Variants in MTMR3 observed in about 807,000 individuals in gnomAD.
MTMR3 encodes phosphatidylinositol-3,5-bisphosphate 3-phosphatase MTMR3.
A neutral mutation model predicts 132.4 loss-of-function variants in MTMR3; 32 were observed. The ratio of observed to expected loss-of-function variants is 0.24; its 90% CI spans 0.18 to 0.32. The LOEUF (loss-of-function observed/expected upper bound fraction) is 0.32. Ranked by LOEUF, MTMR3 falls within the 10% of genes least tolerant of loss-of-function variation. MTMR3 has a pLI of 1.00. For missense variants in MTMR3, 1,216 were observed against 1,489.6 expected, an observed-to-expected ratio of 0.82 and a Z score of 3.02; for synonymous variants, 556 against 550.3, an observed-to-expected ratio of 1.01 and a Z score of -0.14.
At chr22:29,923,230 A>T (rs1200492637) in intron 1 of MTMR3, among the ~76,000 whole-genome samples, 10 of 145,894 alleles carry the variant, frequency 6.9e-5, no homozygotes, top group East Asian at 6.0e-4. Context: ...TTTTTTTTTT[A>T]TTTTTATTTT....
intron 9 of MTMR3, chr22:30,003,992 G>A (rs1040692525): frequency 1.3e-5 from 2 of 152,180 alleles, no homozygotes; most frequent in Admixed American, 6.5e-5. Flanking sequence ...TGTAGGAAGG[G>A]ATTTGTCTCC....
At chr22:30,010,299 C>G (rs1818755215) in intron 12 of MTMR3, 1 of 152,186 alleles carries the variant, frequency 6.6e-6, no homozygotes, top group South Asian at 2.1e-4. Flanking sequence ...ACTACATGAT[C>G]TAATACCCTC....
At chr22:30,010,489 G>C (rs2067389729) in intron 12 of MTMR3, 1 of 152,252 alleles carries the variant, frequency 6.6e-6, no homozygotes, top group Admixed American at 6.5e-5. Context: ...GCAGTGATGG[G>C]CAGCTGTAAT....
intron 1 of MTMR3, among the ~76,000 whole-genome samples, chr22:29,955,445 C>T (rs2066169695): frequency 6.6e-6 from 1 of 152,146 alleles, no homozygotes; most frequent in African/African-American, 2.4e-5. Context: ...CTCAACTTTC[C>T]TGCTGTACTA....
At chr22:29,929,466 T>C (rs977378969) in intron 1 of MTMR3, among the ~76,000 whole-genome samples, 6 of 152,262 alleles carry the variant, frequency 3.9e-5, no homozygotes, top group African/African-American at 1.4e-4. Flanking sequence ...TGCATTTCTT[T>C]TGTAATTTTT....
At position 29,923,289 on chromosome 22, in the gene MTMR3, G is replaced by A. The variant is rs150519221; in HGVS notation, c.-137-33747G>A. Among the ~76,000 whole-genome samples, 570 of 150,840 alleles carry A rather than the reference G, an allele frequency of 3.8e-3. 6 individuals carry two copies. Among genetic ancestry groups the A allele is most frequent in the African/African-American group, 0.013 (537 of 40,998 alleles). On this transcript the variant is annotated intron_variant, in intron 1 of 19. Coordinates refer to ENST00000401950, the MANE Select transcript of MTMR3 (RefSeq NM_021090.4). ...GGGTTTCACCATGTTAGCCAGGATG[G>A]TCTCAATCTCCTGGCCTTGTGATCC...
intron 1 of MTMR3, among the ~76,000 whole-genome samples, chr22:29,946,765 T>C (rs1437178992): frequency 3.3e-5 from 5 of 151,590 alleles, no homozygotes; most frequent in Admixed American, 3.3e-4. Context: ...TTTTTTCTAG[T>C]GGTATGTAAA....
intron 2 of MTMR3, among the ~76,000 whole-genome samples, chr22:29,959,385 G>A (rs561633306): frequency 4.6e-5 from 7 of 152,114 alleles, no homozygotes; most frequent in East Asian, 1.9e-4. Context: ...TTTTATTTAC[G>A]TATTTATTTT....
At chr22:29,929,957 A>G (rs1293021716) in intron 1 of MTMR3, among the ~76,000 whole-genome samples, 1 of 152,206 alleles carries the variant, frequency 6.6e-6, no homozygotes, top group Non-Finnish European at 1.5e-5. Flanking sequence ...AGAGTACAGC[A>G]GGTAAGAAGA....
intron 5 of MTMR3, chr22:29,980,423 T>C (rs2066718357): frequency 6.6e-6 from 1 of 152,138 alleles, no homozygotes; most frequent in Admixed American, 6.5e-5. Flanking sequence ...TCTTTCATAC[T>C]ATGTAGCACT....
chr22:29,897,359 G>A (rs974627738), intron 1 of MTMR3, among the ~76,000 whole-genome samples: 1 of 152,182 alleles, frequency 6.6e-6, no homozygotes, highest in Non-Finnish European at 1.5e-5. Context: ...ACAGGCGTAA[G>A]CCACCATGTC....
chr22:29,971,098 A>G (rs1251067757), intron 3 of MTMR3, 36 bp downstream of exon 3: 1 of 1,580,526 alleles, frequency 6.3e-7, no homozygotes, highest in Non-Finnish European at 8.6e-7. Context: ...AAAAAAAACA[A>G]AAAACCCTGT....
intron 1 of MTMR3, among the ~76,000 whole-genome samples, chr22:29,935,951 A>C (rs2145800256): frequency 6.6e-6 from 1 of 151,958 alleles, no homozygotes; most frequent in Non-Finnish European, 1.5e-5. Context: ...ACGGGGTTTC[A>C]CCGTATTAGC....
chr22:29,922,109 C>T (rs576244003), intron 1 of MTMR3, among the ~76,000 whole-genome samples: 1 of 152,064 alleles, frequency 6.6e-6, no homozygotes, highest in African/African-American at 2.4e-5. Flanking sequence ...TGACTGCTAC[C>T]TCTGCCTCCT....
At chr22:29,985,185 A>T (rs922306402) in intron 5 of MTMR3, 1 of 152,220 alleles carries the variant, frequency 6.6e-6, no homozygotes, top group Admixed American at 6.5e-5. Flanking sequence ...CAGGAAAAGA[A>T]GGTCAATTCT....
chr22:29,930,336 C>G (rs1312279016), intron 1 of MTMR3, among the ~76,000 whole-genome samples: 6 of 152,092 alleles, frequency 3.9e-5, no homozygotes, highest in African/African-American at 1.4e-4. Flanking sequence ...AGTTTTGCCT[C>G]TTGTAGGATT....
intron 7 of MTMR3, chr22:29,998,245 C>G (rs2067101273): frequency 6.6e-6 from 1 of 152,314 alleles, no homozygotes; most frequent in African/African-American, 2.4e-5. Flanking sequence ...AACTCTTGAT[C>G]AGAATTAATT....
chr22:30,012,805 T>C (rs192280527), intron 13 of MTMR3: 9 of 376,450 alleles, frequency 2.4e-5, no homozygotes, highest in Admixed American at 1.8e-4. Context: ...TCCTTTACAG[T>C]CTATCTACTT....
At position 29,896,866 on chromosome 22, in the gene MTMR3, G is replaced by GTC. The variant is rs200250049; in HGVS notation, c.-138+13510_-138+13511dup. 8.4e-3 allele frequency among the ~76,000 whole-genome samples: 827 copies of GTC among 98,524 alleles called. 5 individuals are homozygous for GTC. The highest frequency in any genetic ancestry group is 0.02 in the Middle Eastern group (3 of 150). 64.6% of individuals were successfully genotyped at this position (98,524 alleles called of 152,430 possible). ...TTTTATAGTACAGAATAACAGGCTT[G>GTC]TCTCACACACACACACACACACACA... On this transcript the variant is annotated intron_variant, in intron 1 of 19. Coordinates refer to ENST00000401950, the MANE Select transcript of MTMR3 (RefSeq NM_021090.4).
Sources: gnomAD v4.1 joint callset for allele counts (sites outside exome capture counted in the v4.1 genomes callset) on GRCh38, gnomAD v4.1.1 for gene constraint, MANE v1.5 for transcripts, NCBI Gene and HGNC (gene_info 2026-07-23, HGNC 2026-07-21) for gene names.